The following KMT2E variants were observed in gnomAD, a reference collection of about 807,000 sequenced individuals.
KMT2E encodes lysine methyltransferase 2E (inactive), also known as histone reader KMT2E.
A neutral mutation model predicts 184.6 loss-of-function variants in KMT2E; 30 were observed. That is an observed-to-expected ratio of 0.16 (90% CI 0.12 to 0.22). KMT2E has a LOEUF of 0.22. Ranked by LOEUF, KMT2E falls within the 10% of genes least tolerant of loss-of-function variation. The pLI, the probability that KMT2E is intolerant of heterozygous loss-of-function variation, is 1.00. For synonymous variants in KMT2E, 815 were observed against 776.5 expected (o/e 1.05, Z -0.82); for missense variants, 2,023 against 2,237.4 (o/e 0.90, Z 1.93).
rs2129565008 is a variant in KMT2E, at chr7:105,036,467, C to G, written c.-188-1659C>G. On this transcript the variant is annotated intron_variant, in intron 1 of 26. Coordinates refer to ENST00000311117, the MANE Select transcript of KMT2E (RefSeq NM_182931.3). ...TACAAGTGTGAGCCACAGCTCTCAG[C>G]CATCTGGCAGTTTTTAATTTCAGGC... Among the ~76,000 whole-genome samples, 2 of 152,208 alleles carry G rather than the reference C, an allele frequency of 1.3e-5. 1 individual carries two copies. Among genetic ancestry groups the G allele is most frequent in the South Asian group, 4.2e-4 (2 of 4,804 alleles).
intron 1 of KMT2E, among the ~76,000 whole-genome samples, chr7:105,021,127 T>G (rs1794931669): frequency 6.6e-6 from 1 of 152,202 alleles, no homozygotes. Context: ...ATGGGAAGAT[T>G]CATGATGTGA....
Position 105,107,751 on chromosome 7 carries a change from C to T in KMT2E, c.3294C>T (p.Gly1098=), listed in dbSNP as rs1047056482. ...TPSHQLEVGG[G]FRISESKCLM... ...CGCATCAGTTGGAGGTTGGAGGAGG[C>T]TTCCGAATAAGTGAGTCAAAGTGCC... The change falls in exon 22 of 27, where the codon GGC becomes GGT. Residue 1098 remains glycine (G), a synonymous_variant. Coordinates refer to ENST00000311117, the MANE Select transcript of KMT2E (RefSeq NM_182931.3). 1 of 1,613,978 alleles carries T rather than the reference C, an allele frequency of 6.2e-7. No individual in the cohort carries two copies. Among genetic ancestry groups the T allele is most frequent in the African/African-American group, 1.3e-5 (1 of 74,886 alleles).
At chr7:105,108,004 T>A (rs146538276) in intron 22 of KMT2E, 79 bp downstream of exon 22, 42 of 982,776 alleles carry the variant, frequency 4.3e-5, no homozygotes, top group Non-Finnish European at 5.4e-5. Context: ...AATTGTTAGA[T>A]GTATTATGTA....
At chr7:105,110,672 A>C in intron 25 of KMT2E, 70 bp downstream of exon 25, 1 of 1,606,338 alleles carries the variant, frequency 6.2e-7, no homozygotes, top group Non-Finnish European at 8.5e-7. Context: ...GCCTTTATAA[A>C]AAGTTGGTTT....
rs796870295 is a variant in KMT2E at position 105,054,482 on chromosome 7, A to G, written c.72-7682A>G. 3.4e-3 allele frequency among the ~76,000 whole-genome samples: 513 copies of G among 151,440 alleles called. 4 individuals are homozygous for G. The highest frequency in any genetic ancestry group is 9.1e-3 in the African/African-American group (377 of 41,260). On this transcript the variant is annotated intron_variant, in intron 3 of 26. Transcript: ENST00000311117. ...TGTCTATCTATCTATCTATCTATCT[A>G]TCTATCTATCTATCTATCTATCTAT...
At chr7:105,096,469 A>C (rs544350998) in intron 15 of KMT2E, among the ~76,000 whole-genome samples, 3 of 152,164 alleles carry the variant, frequency 2.0e-5, no homozygotes, top group African/African-American at 7.2e-5. Context: ...ATTTAAAAGG[A>C]CGGACATTTG....
Position 105,110,578 on chromosome 7 carries a change from C to A in KMT2E, c.3946C>A (p.Pro1316Thr), listed in dbSNP as rs1799185467. The A allele has an allele frequency of 6.2e-7, 1 of 1,614,002 alleles. No homozygotes were observed. ...IPQLQAKGPV[P>T]SFSELMEDPD... ...CCAGTTGCAAGCTAAGGGCCCAGTC[C>A]CTTCTTTCAGTGAACTTATGGAAGG... Residue 1316 changes from proline to threonine, a missense_variant, in exon 25 of 27, where the codon CCT becomes ACT. By Grantham distance (38) the Pro-to-Thr change is conservative. Transcript: ENST00000311117.
intron 1 of KMT2E, among the ~76,000 whole-genome samples, chr7:105,033,625 C>CAA (rs1795515050): frequency 6.6e-6 from 1 of 152,030 alleles, no homozygotes; most frequent in Non-Finnish European, 1.5e-5. Context: ...CAGCCTCCTG[C>CAA]GTAGCTGGGA....
chr7:105,024,572 A>G (rs957848805), intron 1 of KMT2E, among the ~76,000 whole-genome samples: 3 of 152,114 alleles, frequency 2.0e-5, no homozygotes, highest in Admixed American at 1.3e-4. Flanking sequence ...TCTCAGACCA[A>G]TCAAGTTTTT....
rs1799522155 is a variant in KMT2E at position 105,114,562 on chromosome 7, C to A, written c.*1229C>A. ...TTAATCTTCAAAAAATTAAAAATTT[C>A]CCAGCCTTTGTCTTCTACCTCTGAG... On this transcript the variant is annotated 3_prime_UTR_variant, in exon 27 of 27. Transcript: ENST00000311117. 6.6e-6 allele frequency among the ~76,000 whole-genome samples: 1 copy of A among 152,082 alleles called. No individual in the cohort carries two copies. The highest frequency in any genetic ancestry group is 2.4e-5 in the African/African-American group (1 of 41,424).
intron 7 of KMT2E, among the ~76,000 whole-genome samples, 178 bp downstream of exon 7, chr7:105,073,855 C>T (rs998798075): frequency 2.4e-4 from 36 of 149,882 alleles, no homozygotes; most frequent in African/African-American, 7.1e-4. Flanking sequence ...TTTTTTTTCA[C>T]GTATTATAGA....
intron 9 of KMT2E, 63 bp downstream of exon 9, chr7:105,076,144 C>G (rs371638874): frequency 8.8e-7 from 1 of 1,142,412 alleles, no homozygotes; most frequent in Non-Finnish European, 1.3e-6. Flanking sequence ...TACATGCTTG[C>G]TTGACCATAT....
At chr7:105,067,540 T>C (rs1025475725) in intron 6 of KMT2E, among the ~76,000 whole-genome samples, 4 of 152,216 alleles carry the variant, frequency 2.6e-5, no homozygotes, top group Non-Finnish European at 4.4e-5. Flanking sequence ...TATACTGCCA[T>C]GTGTTTCTTC....
In KMT2E at chr7:105,112,012, C is replaced by G. The variant is rs750777432; in HGVS notation, c.4256C>G (p.Thr1419Arg). Reference protein sequence around the residue: ...QALSKNHPPQTHVRNSSEQLS... With the variant: ...QALSKNHPPQRHVRNSSEQLS... The stretch of plus-strand genomic sequence containing the variant: ...CTTTCAAAGAATCATCCTCCTCAGA[C>G]ACACGTTCGTAATTCATCTGAGCAA... The change falls in exon 27 of 27, where the codon ACA becomes AGA. Residue 1419 changes from threonine (T) to arginine (R), a missense_variant. Around this residue, in one of 8 missense-constraint regions of KMT2E, gnomAD observed 1,108 missense variants for 1,050.9 expected, o/e 1.05. Transcript: ENST00000311117. 6.2e-7 allele frequency: 1 copy of G among 1,614,218 alleles called. No individual in the cohort carries two copies. The highest frequency in any genetic ancestry group is 8.5e-7 in the Non-Finnish European group (1 of 1,180,030).
intron 20 of KMT2E, 63 bp downstream of exon 20, chr7:105,106,835 G>A: frequency 6.6e-7 from 1 of 1,517,780 alleles, no homozygotes; most frequent in Non-Finnish European, 9.0e-7. Context: ...TCTTTTAAGA[G>A]CTCTTTCCCC....
intron 1 of KMT2E, among the ~76,000 whole-genome samples, chr7:105,037,684 G>C (rs571800499): frequency 6.6e-6 from 1 of 151,878 alleles, no homozygotes; most frequent in Non-Finnish European, 1.5e-5. Flanking sequence ...ATTTTAACAC[G>C]GTCTTAAAGG....
chr7:105,096,362 T>G (rs1286676735), intron 15 of KMT2E, among the ~76,000 whole-genome samples: 1 of 152,050 alleles, frequency 6.6e-6, no homozygotes, highest in Non-Finnish European at 1.5e-5. Context: ...ACCCTCATAA[T>G]GTACTTTGGG....
chr7:105,089,600 G>A (rs562756267), intron 13 of KMT2E, among the ~76,000 whole-genome samples: 15 of 152,280 alleles, frequency 9.9e-5, no homozygotes, highest in Admixed American at 9.8e-4. Context: ...CACAGAATTA[G>A]TAAATATATT....
chr7:105,112,243 A>C lies in KMT2E; in HGVS notation c.4487A>C (p.Gln1496Pro). 1.2e-6 allele frequency: 2 copies of C among 1,614,150 alleles called. No individual in the cohort carries two copies. Among genetic ancestry groups the C allele is most frequent in the Non-Finnish European group, 1.7e-6 (2 of 1,180,014 alleles). Residue 1496 changes from glutamine to proline, a missense_variant, in exon 27 of 27, where the codon CAA becomes CCA. This residue lies in a region of KMT2E where 1,108 missense variants were observed against 1,050.9 expected (regional missense o/e 1.05). Coordinates refer to ENST00000311117, the MANE Select transcript of KMT2E (RefSeq NM_182931.3). ...PQVGTPQREP[Q>P]RNFYPAAQNL... The stretch of plus-strand genomic sequence containing the variant: ...GTTGGAACACCTCAGCGAGAGCCTC[A>C]AAGAAACTTTTATCCAGCAGCACAG...
Sources: gnomAD v4.1 joint callset for allele counts (sites outside exome capture counted in the v4.1 genomes callset) on GRCh38, gnomAD v4.1.1 for gene constraint, gnomAD v4.1.1 regional missense constraint, MANE v1.5 for transcripts, NCBI Gene and HGNC (gene_info 2026-07-23, HGNC 2026-07-21) for gene names.